ZNF284: variants seen among roughly 807,000 people sequenced by gnomAD.
The protein encoded by ZNF284 is zinc finger protein 284.
ZNF284 carries 12 observed loss-of-function variants against 12.9 expected under a neutral mutation model. The ratio of observed to expected loss-of-function variants is 0.93; its 90% CI spans 0.60 to 1.51. The LOEUF (loss-of-function observed/expected upper bound fraction) is 1.51. Among genes scored for constraint, ZNF284 ranks in the 40% most tolerant of loss-of-function variants. ZNF284 has a pLI of 0.00. For missense variants in ZNF284, 667 were observed against 707.3 expected (o/e 0.94, Z 0.65); for synonymous variants, 225 against 236.5 (o/e 0.95, Z 0.45).
intron 3 of ZNF284, 69 bp downstream of exon 3, chr19:44,081,210 T>TATCCTAGG: frequency 6.6e-7 from 1 of 1,522,002 alleles, no homozygotes; most frequent in Non-Finnish European, 8.9e-7. Flanking sequence ...AGGGTGTTTG[T>TATCCTAGG]GTTAGTTTGT....
intron 4 of ZNF284, among the ~76,000 whole-genome samples, chr19:44,083,474 T>TATATATATAGAGAGAGAG (rs746837013): frequency 3.1e-5 from 2 of 64,924 alleles, no homozygotes; most frequent in African/African-American, 5.0e-5. Flanking sequence ...TATATATATA[T>TATATATATAGAGAGAGAG]AGAGAGAGAG....
At chr19:44,084,870 G>A (rs1967202184) in intron 4 of ZNF284, among the ~76,000 whole-genome samples, 2 of 152,126 alleles carry the variant, frequency 1.3e-5, no homozygotes, top group Admixed American at 6.5e-5. Context: ...CTCAGGAAGT[G>A]TGTGGGTCCC....
At chr19:44,073,361 A>G (rs188765393) in intron 1 of ZNF284, among the ~76,000 whole-genome samples, 225 of 152,266 alleles carry the variant, frequency 1.5e-3, no homozygotes, top group Non-Finnish European at 8.4e-4. Context: ...ATGGGCTTGG[A>G]CTGTTCTGGG....
In ZNF284 at chr19:44,086,230, A is replaced by T; in HGVS notation, c.752A>T (p.Lys251Ile). The T allele has an allele frequency of 6.2e-7, 1 of 1,614,236 alleles. No individual in the cohort carries two copies. Among genetic ancestry groups the T allele is most frequent in the Non-Finnish European group, 8.5e-7 (1 of 1,180,036 alleles). The part of the protein sequence containing the change: ...SRRSGMYVHC[K>I]LHTGEKPHIC... ...AGATCAGGAATGTATGTTCATTGCAAATTACACACAGGAGAAAAACCTCAT... is the reference window on the plus strand; with the variant it reads ...AGATCAGGAATGTATGTTCATTGCATATTACACACAGGAGAAAAACCTCAT... Residue 251 changes from lysine to isoleucine, a missense_variant, in exon 5 of 5, where the codon AAA becomes ATA. Physicochemically the swap from Lys to Ile is moderately radical, Grantham distance 102 (BLOSUM62 -3). Coordinates refer to ENST00000421176, the MANE Select transcript of ZNF284 (RefSeq NM_001037813.4).
In ZNF284 at chr19:44,080,902, A is replaced by C. The variant is rs560955957; in HGVS notation, c.16-113A>C. The C allele has an allele frequency of 3.7e-6, 5 of 1,344,462 alleles. No individual in the cohort carries two copies. The South Asian group carries it at 5.5e-5, about 15-fold the overall frequency. 83.3% of individuals were successfully genotyped at this position (1,344,462 alleles called of 1,614,324 possible). Reference sequence around the variant, plus strand: ...ATGGGAAATCTGTATGTTGACCTACATCTTTCAAGATCCACAGCAACTTCT... The same window carrying C: ...ATGGGAAATCTGTATGTTGACCTACCTCTTTCAAGATCCACAGCAACTTCT... On this transcript the variant is annotated intron_variant, in intron 2 of 4. Coordinates refer to ENST00000421176, the MANE Select transcript of ZNF284 (RefSeq NM_001037813.4).
Position 44,087,340 on chromosome 19 carries a change from TATCC to T in ZNF284, c.*84_*87del. 9.5e-7 allele frequency: 1 copy of T among 1,048,768 alleles called. No homozygotes were observed. Among genetic ancestry groups the T allele is most frequent in the East Asian group, 2.7e-5 (1 of 37,258 alleles). The allele number at this position is 1,048,768 out of a possible 1,614,324, so 65.0% of individuals were successfully genotyped here. A position where few individuals can be genotyped will look rare whatever the true frequency, so the allele number is the denominator to read the frequency against. The stretch of plus-strand genomic sequence containing the variant: ...AATGATCAAATCAGTGTTATTAGCA[TATCC>T]ATCACCTCCTTTATCATTTATTTGT... On this transcript the variant is annotated 3_prime_UTR_variant, in exon 5 of 5. Transcript: ENST00000421176.
In ZNF284 at chr19:44,081,583, G is replaced by A. The variant is rs1292127483; in HGVS notation, c.143-430G>A. ...AAAAAATTGCCGGGCGTGGTGGCGGGCGTCTGTAGTCCCAGCTACTCAGGA... is the reference window on the plus strand; with the variant it reads ...AAAAAATTGCCGGGCGTGGTGGCGGACGTCTGTAGTCCCAGCTACTCAGGA... On this transcript the variant is annotated intron_variant, in intron 3 of 4. Transcript: ENST00000421176. Among the ~76,000 whole-genome samples, 2 of 151,978 alleles carry A rather than the reference G, an allele frequency of 1.3e-5. 1 individual carries two copies. The highest frequency in any genetic ancestry group is 4.1e-4 in the South Asian group (2 of 4,822).
chr19:44,075,947 A>G (rs1967018612), intron 1 of ZNF284, among the ~76,000 whole-genome samples: 1 of 152,140 alleles, frequency 6.6e-6, no homozygotes, highest in African/African-American at 2.4e-5. Flanking sequence ...TGAAGCAACC[A>G]CTAATCTACT....
rs774774250 is a variant in ZNF284 at position 44,086,738 on chromosome 19, C to T, written c.1260C>T (p.Ala420=). 6 of 1,613,982 alleles carry T rather than the reference C, an allele frequency of 3.7e-6. No individual in the cohort carries two copies. Among genetic ancestry groups the T allele is most frequent in the Non-Finnish European group, 3.4e-6 (4 of 1,179,978 alleles). ...MNSQGHSHQR[A]YREEELYKCQ... is the part of the protein sequence containing the mutation. The stretch of plus-strand genomic sequence containing the variant: ...CACAGGGCCATTCACATCAGAGAGC[C>T]TATAGAGAAGAAGAACTGTATAAAT... The change falls in exon 5 of 5, where the codon GCC becomes GCT. Residue 420 remains alanine (A), a synonymous_variant. Transcript: ENST00000421176.
Position 44,081,009 on chromosome 19 carries a change from T to G in ZNF284, c.16-6T>G. 1 of 1,610,364 alleles carries G rather than the reference T, an allele frequency of 6.2e-7. No individual in the cohort carries two copies. The highest frequency in any genetic ancestry group is 8.5e-7 in the Non-Finnish European group (1 of 1,177,726). ...AGATTGAGATTGCATACGTTTGTTGTTGTAGGAGGCAGTGACCTTCAAGGA... is the reference window on the plus strand; with the variant it reads ...AGATTGAGATTGCATACGTTTGTTGGTGTAGGAGGCAGTGACCTTCAAGGA... On this transcript the variant is annotated splice_polypyrimidine_tract_variant and splice_region_variant and intron_variant, in intron 2 of 4. Coordinates refer to ENST00000421176, the MANE Select transcript of ZNF284 (RefSeq NM_001037813.4).
rs754295850 is a variant in ZNF284, at chr19:44,081,000, C to A, written c.16-15C>A. 1.2e-6 allele frequency: 2 copies of A among 1,608,292 alleles called. No homozygotes were observed. Among genetic ancestry groups the A allele is most frequent in the East Asian group, 4.5e-5 (2 of 44,608 alleles). ...CTGGTCATGAGATTGAGATTGCATA[C>A]GTTTGTTGTTGTAGGAGGCAGTGAC... On this transcript the variant is annotated splice_polypyrimidine_tract_variant and intron_variant, in intron 2 of 4. Transcript: ENST00000421176.
At chr19:44,084,128 G>A (rs1967184503) in intron 4 of ZNF284, among the ~76,000 whole-genome samples, 1 of 152,184 alleles carries the variant, frequency 6.6e-6, no homozygotes, top group African/African-American at 2.4e-5. Context: ...CAGGCCAGGT[G>A]AGCCTGTCCT....
At chr19:44,081,867 G>T (rs941684770) in intron 3 of ZNF284, 146 bp from the exon 4 acceptor site, 15 of 589,478 alleles carry the variant, frequency 2.5e-5, no homozygotes, top group Non-Finnish European at 3.9e-5. Context: ...GACATGTGGG[G>T]ATTATGGGAA....
chr19:44,076,380 A>C lies in ZNF284; in HGVS notation c.-10A>C. On this transcript the variant is annotated 5_prime_UTR_variant, in exon 2 of 5. Transcript: ENST00000421176. ...GAGAACTCTGCAAATTCCCCAAAGA[A>C]GGAGGAAAAATGACCATGTTCAAGG... 5 of 1,610,106 alleles carry C rather than the reference A, an allele frequency of 3.1e-6. No individual in the cohort carries two copies. Among genetic ancestry groups the C allele is most frequent in the Non-Finnish European group, 4.2e-6 (5 of 1,177,886 alleles).
In ZNF284 at chr19:44,087,623, A is replaced by T. The variant is rs1967283938; in HGVS notation, c.*363A>T. 1 of 139,000 alleles carries T rather than the reference A, an allele frequency of 7.2e-6. No homozygotes were observed. The highest frequency in any genetic ancestry group is 1.5e-5 in the Non-Finnish European group (1 of 68,874). The allele number at this position is 139,000 out of a possible 1,614,324, so 8.6% of individuals were successfully genotyped here. A position where few individuals can be genotyped will look rare whatever the true frequency, so the allele number is the denominator to read the frequency against. On this transcript the variant is annotated 3_prime_UTR_variant, in exon 5 of 5. Coordinates refer to ENST00000421176, the MANE Select transcript of ZNF284 (RefSeq NM_001037813.4). The stretch of plus-strand genomic sequence containing the variant: ...TTTTTTTTTTTTTTTTTTTTTGAGA[A>T]CAGAGTCTTCCAGGCTTGAGTGTAG...
chr19:44,078,232 A>C (rs1034450207), intron 2 of ZNF284, among the ~76,000 whole-genome samples: 1 of 152,206 alleles, frequency 6.6e-6, no homozygotes, highest in Non-Finnish European at 1.5e-5. Context: ...TGATAGTATT[A>C]TTTATATTCA....
Position 44,089,141 on chromosome 19 carries a change from G to A in ZNF284, c.*1881G>A, listed in dbSNP as rs1404145737. 6.6e-6 allele frequency: 1 copy of A among 152,028 alleles called. No homozygotes were observed. Among genetic ancestry groups the A allele is most frequent in the Non-Finnish European group, 1.5e-5 (1 of 68,134 alleles). 9.4% of individuals were successfully genotyped at this position (152,028 alleles called of 1,614,324 possible). A position where few individuals can be genotyped will look rare whatever the true frequency, so the allele number is the denominator to read the frequency against. ...TTGTTTTGTTTTGTTTTGTTTTTGA[G>A]ATGGGGTCTCTCGGTGTTGCCCAGG... On this transcript the variant is annotated 3_prime_UTR_variant, in exon 5 of 5. Transcript: ENST00000421176.
At position 44,089,113 on chromosome 19, in the gene ZNF284, A is replaced by ATTTTGTTTTG. The variant is rs67645517; in HGVS notation, c.*1868_*1877dup. 6.7e-6 allele frequency: 1 copy of ATTTTGTTTTG among 149,606 alleles called. No individual in the cohort carries two copies. The highest frequency in any genetic ancestry group is 2.5e-5 in the African/African-American group (1 of 40,498). The allele number at this position is 149,606 out of a possible 1,614,324, so 9.3% of individuals were successfully genotyped here. A position where few individuals can be genotyped will look rare whatever the true frequency, so the allele number is the denominator to read the frequency against. On this transcript the variant is annotated 3_prime_UTR_variant, in exon 5 of 5. Coordinates refer to ENST00000421176, the MANE Select transcript of ZNF284 (RefSeq NM_001037813.4). ...TACAGGCCTGAGCCATGCGCACAGCATTTTGTTTTGTTTTGTTTTGTTTTT... is the reference window on the plus strand; with the variant it reads ...TACAGGCCTGAGCCATGCGCACAGCATTTTGTTTTGTTTTGTTTTGTTTTGTTTTGTTTTT...
intron 2 of ZNF284, among the ~76,000 whole-genome samples, chr19:44,079,104 A>G (rs376247214): frequency 1.1e-4 from 16 of 152,142 alleles, no homozygotes; most frequent in African/African-American, 3.4e-4. Flanking sequence ...ATTATTTTCA[A>G]TGATCAGACG....
Sources: allele counts gnomAD v4.1 joint callset (sites outside exome capture counted in the v4.1 genomes callset), GRCh38; gene constraint gnomAD v4.1.1; transcripts MANE v1.5; gene names NCBI Gene and HGNC (gene_info 2026-07-23, HGNC 2026-07-21).